Variants in EIF4ENIF1 observed in about 807,000 individuals in gnomAD.
The protein encoded by EIF4ENIF1 is eukaryotic translation initiation factor 4E transporter.
EIF4ENIF1 carries 23 observed loss-of-function variants against 110.5 expected under a neutral mutation model. The ratio of observed to expected loss-of-function variants is 0.21; its 90% confidence interval spans 0.15 to 0.29. The LOEUF is 0.29. Ranked by LOEUF, EIF4ENIF1 falls within the 10% of genes least tolerant of loss-of-function variation. EIF4ENIF1 has a pLI of 1.00. For synonymous variants in EIF4ENIF1, 440 were observed against 437.0 expected (o/e 1.01, Z -0.09); for missense variants, 1,031 against 1,221.1 (o/e 0.84, Z 2.32).
At chr22:31,438,605 T>C (rs549932973), downstream of EIF4ENIF1, among the ~76,000 whole-genome samples, 49 of 152,350 alleles carry the variant, frequency 3.2e-4, 1 homozygote, top group South Asian at 1.0e-2. Flanking sequence ...TATCCTGGTA[T>C]TAGCCACAAG....
chr22:31,459,112 G>C (rs1331396382), intron 6 of EIF4ENIF1, among the ~76,000 whole-genome samples: 1 of 151,902 alleles, frequency 6.6e-6, no homozygotes, highest in Non-Finnish European at 1.5e-5. Context: ...ATTTTTTGTA[G>C]AGACTGAGTC....
At chr22:31,446,952 CA>C (rs919030695) in intron 14 of EIF4ENIF1, 2 of 464,448 alleles carry the variant, frequency 4.3e-6, no homozygotes, top group East Asian at 7.0e-5. Context: ...CAGCTCTGGC[CA>C]AAAAACTGCT....
chr22:31,454,493 G>A (rs1268150489), intron 9 of EIF4ENIF1, 117 bp from the exon 10 acceptor site: 7 of 852,832 alleles, frequency 8.2e-6, no homozygotes, highest in African/African-American at 3.4e-5. Flanking sequence ...AGATGAGACT[G>A]TCAGAAAAGA....
chr22:31,475,063 T>C lies in EIF4ENIF1; in HGVS notation c.97-3146A>G, dbSNP rs536719336. ...ACAGAAAACTGAAGCATCTAAATGT[T>C]TTCTTCAGGACAAGATGCCGCCTTA... On this transcript the variant is annotated intron_variant, in intron 2 of 18. Transcript: ENST00000330125. 8.2e-4 allele frequency among the ~76,000 whole-genome samples: 125 copies of C among 152,318 alleles called. 1 individual carries two copies. The highest frequency in any genetic ancestry group is 2.9e-3 in the African/African-American group (121 of 41,560).
At chr22:31,448,570 AT>A (rs2050549985) in intron 12 of EIF4ENIF1, among the ~76,000 whole-genome samples, 1 of 152,190 alleles carries the variant, frequency 6.6e-6, no homozygotes, top group South Asian at 2.1e-4. Context: ...GAGAATACAC[AT>A]TCTCTCCATT....
intron 4 of EIF4ENIF1, among the ~76,000 whole-genome samples, chr22:31,465,827 T>G (rs1214357445): frequency 6.6e-6 from 1 of 152,178 alleles, no homozygotes; most frequent in East Asian, 1.9e-4. Flanking sequence ...GGAATACTAT[T>G]AAGCAATGAA....
intron 10 of EIF4ENIF1, among the ~76,000 whole-genome samples, chr22:31,452,729 G>C (rs1330484776): frequency 6.6e-6 from 1 of 152,168 alleles, no homozygotes; most frequent in African/African-American, 2.4e-5. Context: ...ATCTTCATTT[G>C]AAAGCATTTG....
chr22:31,440,827 T>G lies in EIF4ENIF1; in HGVS notation c.2593A>C (p.Ile865Leu), dbSNP rs201874805. The change falls in exon 18 of 19, where the codon ATA becomes CTA. Residue 865 changes from isoleucine to leucine, a missense_variant. Transcript: ENST00000330125. ...GGCTGACCCAGGATGGGGCCAGATATTCCCTGTAAATGACTCAAGTCCATC... is the reference window on the plus strand; with the variant it reads ...GGCTGACCCAGGATGGGGCCAGATAGTCCCTGTAAATGACTCAAGTCCATC... ...PGMDLSHLQG[I>L]SGPILGQPFY... 6.2e-7 allele frequency: 1 copy of G among 1,613,992 alleles called. No individual in the cohort carries two copies. Among genetic ancestry groups the G allele is most frequent in the Admixed American group, 1.7e-5 (1 of 60,014 alleles).
Position 31,456,005 on chromosome 22 carries a change from A to C in EIF4ENIF1, c.964-18T>G. ...TCTATCATCTGAAGAAAAAGACAAT[A>C]AAAACTAATAGTTTCTAGATGAAAA... On this transcript the variant is annotated intron_variant, in intron 7 of 18. Transcript: ENST00000330125. The C allele has an allele frequency of 6.2e-7, 1 of 1,611,788 alleles. No individual in the cohort carries two copies. Among genetic ancestry groups the C allele is most frequent in the Non-Finnish European group, 8.5e-7 (1 of 1,179,246 alleles).
chr22:31,481,312 A>G (rs1042241841), intron 2 of EIF4ENIF1, among the ~76,000 whole-genome samples: 2 of 140,830 alleles, frequency 1.4e-5, no homozygotes, highest in African/African-American at 5.4e-5. Context: ...ACAGGTGCAC[A>G]CCACCACCTC....
chr22:31,447,019 A>G, intron 14 of EIF4ENIF1: 1 of 468,122 alleles, frequency 2.1e-6, no homozygotes, highest in Non-Finnish European at 4.4e-6. Flanking sequence ...CTGTGGGGAA[A>G]GGAATAAGGA....
chr22:31,481,334 T>C (rs2051809575), intron 2 of EIF4ENIF1, among the ~76,000 whole-genome samples: 4 of 152,004 alleles, frequency 2.6e-5, no homozygotes, highest in South Asian at 4.2e-4. Context: ...GGCAATTTTT[T>C]TTTTTTTTAA....
intron 2 of EIF4ENIF1, among the ~76,000 whole-genome samples, chr22:31,479,143 T>C (rs1426981989): frequency 6.6e-6 from 1 of 151,448 alleles, no homozygotes; most frequent in Non-Finnish European, 1.5e-5. Flanking sequence ...CTCAGCTCAC[T>C]GCAACCTCTG....
In EIF4ENIF1 at chr22:31,440,874, G is replaced by A. The variant is rs1293145024; in HGVS notation, c.2552-6C>T. ...CATCCCAGGAGGAAGCACACCTGTT[G>A]AGCAGAAAAAGCAAGCAGCTGAGTA... On this transcript the variant is annotated splice_region_variant and splice_polypyrimidine_tract_variant and intron_variant, in intron 17 of 18. Transcript: ENST00000330125. The A allele has an allele frequency of 6.2e-7, 1 of 1,613,764 alleles. No homozygotes were observed. Among genetic ancestry groups the A allele is most frequent in the Non-Finnish European group, 8.5e-7 (1 of 1,179,786 alleles).
Position 31,454,258 on chromosome 22 carries a change from C to A in EIF4ENIF1, c.1398G>T (p.Leu466Phe). The A allele has an allele frequency of 6.2e-7, 1 of 1,614,124 alleles. No homozygotes were observed. The highest frequency in any genetic ancestry group is 1.6e-4 in the Middle Eastern group (1 of 6,062). ...PFMAEHLEETLSAVTNNRQLK... is the reference protein window; with the variant it reads ...PFMAEHLEETFSAVTNNRQLK... The stretch of plus-strand genomic sequence containing the variant: ...GTTGTCGATTGTTGGTTACGGCACT[C>A]AAGGTCTCTTCTAGGTGTTCTGCCA... The change falls in exon 10 of 19, where the codon TTG (leucine) becomes TTT (phenylalanine). Residue 466 changes from leucine (L) to phenylalanine (F), a missense_variant. Coordinates refer to ENST00000330125, the MANE Select transcript of EIF4ENIF1 (RefSeq NM_019843.4).
chr22:31,478,536 T>A (rs1232171645), intron 2 of EIF4ENIF1, among the ~76,000 whole-genome samples: 168 of 60,862 alleles, frequency 2.8e-3, no homozygotes, highest in Middle Eastern at 0.012. Context: ...AAAAAAAAAA[T>A]GCTGAGTGCA....
In EIF4ENIF1 at chr22:31,455,913, T is replaced by A; in HGVS notation, c.1038A>T (p.Arg346Ser). The change falls in exon 8 of 19, where the codon AGA becomes AGT. Residue 346 changes from arginine (R) to serine (S), a missense_variant. By Grantham distance (110) the Arg-to-Ser change is moderately radical. Transcript: ENST00000330125. Reference sequence around the variant, plus strand: ...CAAGACTGCTGGATCGGCTTCCTGATCTGCTCGGGTTAGAGAACCACCTAC... The same window carrying A: ...CAAGACTGCTGGATCGGCTTCCTGAACTGCTCGGGTTAGAGAACCACCTAC... ...RFSRWFSNPS[R>S]SGSRSSSLGS... 6.2e-7 allele frequency: 1 copy of A among 1,614,182 alleles called. No individual in the cohort carries two copies. The highest frequency in any genetic ancestry group is 8.5e-7 in the Non-Finnish European group (1 of 1,180,028).
At chr22:31,449,734 CTT>C (rs36031296) in intron 11 of EIF4ENIF1, among the ~76,000 whole-genome samples, 4 of 143,650 alleles carry the variant, frequency 2.8e-5, no homozygotes, top group Non-Finnish European at 4.6e-5. Context: ...ATAGAGGTTC[CTT>C]TTTTTTTTTT....
intron 2 of EIF4ENIF1, among the ~76,000 whole-genome samples, chr22:31,474,400 C>T (rs957681571): frequency 4.6e-5 from 7 of 151,996 alleles, no homozygotes; most frequent in African/African-American, 1.7e-4. Context: ...TCATTAATGT[C>T]CTCAATTATG....
Sources: gnomAD v4.1 joint callset for allele counts (sites outside exome capture counted in the v4.1 genomes callset) on GRCh38, gnomAD v4.1.1 for gene constraint, MANE v1.5 for transcripts, NCBI Gene and HGNC (gene_info 2026-07-23, HGNC 2026-07-21) for gene names.